SLC24A3: variants seen among roughly 807,000 people sequenced by gnomAD.
The protein encoded by SLC24A3 is solute carrier family 24 member 3, also known as sodium/potassium/calcium exchanger 3.
Under a neutral mutation model 75.8 loss-of-function variants are expected in SLC24A3, and 28 were observed. That is an observed-to-expected ratio of 0.37 (90% confidence interval 0.27 to 0.51). The LOEUF is 0.51. SLC24A3 is among the 20% of genes least tolerant of loss of function. The probability of loss-of-function intolerance (pLI) is 0.94; values close to 1 mark genes in which losing one functional copy is unlikely to be tolerated. For missense variants in SLC24A3, 663 were observed against 847.8 expected, an observed-to-expected ratio of 0.78 and a Z score of 2.71; for synonymous variants, 372 against 334.1, an observed-to-expected ratio of 1.11 and a Z score of -1.24.
chr20:19,437,003 G>A (rs1367794739), intron 2 of SLC24A3, among the ~76,000 whole-genome samples: 1 of 152,182 alleles, frequency 6.6e-6, no homozygotes, highest in Non-Finnish European at 1.5e-5. Flanking sequence ...AAGACAGAAC[G>A]GATAAATGAG....
At chr20:19,476,178 G>A (rs1472685754) in intron 2 of SLC24A3, among the ~76,000 whole-genome samples, 1 of 152,180 alleles carries the variant, frequency 6.6e-6, no homozygotes, top group Non-Finnish European at 1.5e-5. Context: ...GTTGCAGCTG[G>A]TTATATAAAT....
rs367648488 is a variant in SLC24A3 at position 19,681,847 on chromosome 20, G to A, written c.768-11G>A. ...CACTGATGGACTCTGCCCACTTGTC[G>A]CTTTGCTCAGATATAACGCTTGCAT... On this transcript the variant is annotated splice_polypyrimidine_tract_variant and intron_variant, in intron 9 of 16. Coordinates refer to ENST00000328041, the MANE Select transcript of SLC24A3 (RefSeq NM_020689.4). 69 of 1,613,844 alleles carry A rather than the reference G, an allele frequency of 4.3e-5. No individual in the cohort carries two copies. In the Middle Eastern group the frequency reaches 4.9e-4, roughly 12 times the overall value.
chr20:19,275,246 T>C (rs1378463725), intron 1 of SLC24A3, among the ~76,000 whole-genome samples: 1 of 152,224 alleles, frequency 6.6e-6, no homozygotes, highest in African/African-American at 2.4e-5. Flanking sequence ...ACCTGAGCTT[T>C]GCAGTCAGCT....
At position 19,722,653 on chromosome 20, in the gene SLC24A3, CT is replaced by C. The variant is rs1304883424; in HGVS notation, c.*1515del. 1.3e-5 allele frequency: 2 copies of C among 152,648 alleles called. No individual in the cohort carries two copies. The highest frequency in any genetic ancestry group is 4.8e-5 in the African/African-American group (2 of 41,440). 9.5% of individuals were successfully genotyped at this position (152,648 alleles called of 1,614,324 possible). A position where few individuals can be genotyped will look rare whatever the true frequency, so the allele number is the denominator to read the frequency against. On this transcript the variant is annotated 3_prime_UTR_variant, in exon 17 of 17. Coordinates refer to ENST00000328041, the MANE Select transcript of SLC24A3 (RefSeq NM_020689.4). ...TCATTCGGTATGGTTTTCCCTGTCC[CT>C]TGTACACATTCTGGTATGAATTTGT...
chr20:19,592,396 G>A (rs1422695042), intron 6 of SLC24A3, among the ~76,000 whole-genome samples: 1 of 152,092 alleles, frequency 6.6e-6, no homozygotes, highest in Non-Finnish European at 1.5e-5. Flanking sequence ...TATTTCCATA[G>A]CCAAATCAAT....
chr20:19,533,097 A>G (rs564610641), intron 3 of SLC24A3, among the ~76,000 whole-genome samples: 1 of 152,356 alleles, frequency 6.6e-6, no homozygotes, highest in East Asian at 1.9e-4. Flanking sequence ...ACAATTTGTT[A>G]TCAGTCCTGG....
At chr20:19,240,765 T>C (rs1263829491) in intron 1 of SLC24A3, among the ~76,000 whole-genome samples, 2 of 152,196 alleles carry the variant, frequency 1.3e-5, no homozygotes, top group Non-Finnish European at 2.9e-5. Context: ...CATCACACAG[T>C]TGATCTTATC....
chr20:19,602,149 G>A (rs768673488), intron 6 of SLC24A3, among the ~76,000 whole-genome samples: 1 of 152,166 alleles, frequency 6.6e-6, no homozygotes, highest in Non-Finnish European at 1.5e-5. Context: ...ACTCCAGCCT[G>A]GGCGACAAGA....
At chr20:19,448,052 C>A (rs1195945786) in intron 2 of SLC24A3, among the ~76,000 whole-genome samples, 1 of 152,246 alleles carries the variant, frequency 6.6e-6, no homozygotes, top group Non-Finnish European at 1.5e-5. Context: ...GTGGATTTAG[C>A]TTTTCCGGCC....
chr20:19,335,099 T>G (rs1342392748), intron 2 of SLC24A3, among the ~76,000 whole-genome samples: 1 of 152,206 alleles, frequency 6.6e-6, no homozygotes, highest in East Asian at 1.9e-4. Flanking sequence ...AGAACTAAAT[T>G]TTTAATATTA....
chr20:19,301,901 A>G (rs545122845), intron 2 of SLC24A3, among the ~76,000 whole-genome samples: 2 of 152,350 alleles, frequency 1.3e-5, no homozygotes, highest in South Asian at 4.1e-4. Context: ...ATTATTTCAG[A>G]TGCAAACCCA....
chr20:19,719,307 G>GA (rs1182530264), intron 16 of SLC24A3, among the ~76,000 whole-genome samples: 9 of 151,954 alleles, frequency 5.9e-5, no homozygotes, highest in Non-Finnish European at 8.8e-5. Flanking sequence ...GGAAATTCAG[G>GA]AAAAAAAGTG....
chr20:19,597,211 AC>A (rs2031463498), intron 6 of SLC24A3, among the ~76,000 whole-genome samples: 1 of 151,914 alleles, frequency 6.6e-6, no homozygotes, highest in Non-Finnish European at 1.5e-5. Context: ...ACATAGTGAG[AC>A]CCCATTTCTA....
chr20:19,467,264 GAA>G (rs1295078413), intron 2 of SLC24A3, among the ~76,000 whole-genome samples: 1 of 152,212 alleles, frequency 6.6e-6, no homozygotes, highest in African/African-American at 2.4e-5. Flanking sequence ...ATTTGAGAAT[GAA>G]AGAGAATGTG....
intron 2 of SLC24A3, among the ~76,000 whole-genome samples, chr20:19,465,506 T>C (rs967015619): frequency 1.3e-5 from 2 of 152,130 alleles, no homozygotes; most frequent in African/African-American, 4.8e-5. Flanking sequence ...ATGAAATTTA[T>C]TTAAGATGCT....
intron 9 of SLC24A3, among the ~76,000 whole-genome samples, chr20:19,680,583 C>A (rs1479832627): frequency 1.3e-5 from 2 of 152,202 alleles, no homozygotes; most frequent in African/African-American, 4.8e-5. Context: ...TAATTCTACG[C>A]TTCGTGTCTT....
At chr20:19,376,190 C>A (rs1008973610) in intron 2 of SLC24A3, among the ~76,000 whole-genome samples, 3 of 152,036 alleles carry the variant, frequency 2.0e-5, no homozygotes, top group African/African-American at 2.4e-5. Flanking sequence ...CATTGTGTAC[C>A]CCAATTAATG....
chr20:19,712,006 G>T (rs1490262761), intron 15 of SLC24A3, among the ~76,000 whole-genome samples: 1 of 152,090 alleles, frequency 6.6e-6, no homozygotes, highest in Non-Finnish European at 1.5e-5. Context: ...GAGTGCAGTG[G>T]TGGGATCACA....
At chr20:19,715,611 C>T (rs1012599814) in intron 15 of SLC24A3, among the ~76,000 whole-genome samples, 15 of 152,138 alleles carry the variant, frequency 9.9e-5, no homozygotes, top group South Asian at 2.1e-4. Context: ...AAAGGGTTGG[C>T]TGTTTAGGGC....
Sources: gnomAD v4.1 joint callset for allele counts (sites outside exome capture counted in the v4.1 genomes callset) on GRCh38, gnomAD v4.1.1 for gene constraint, MANE v1.5 for transcripts, NCBI Gene and HGNC (gene_info 2026-07-23, HGNC 2026-07-21) for gene names.